The following GNAS-AS1 variants were observed in gnomAD, a reference collection of about 807,000 sequenced individuals.
The protein encoded by GNAS-AS1 is GNAS antisense RNA 1, also known as GNAS antisense RNA 1 (non-protein coding).
chr20:58,840,353 G>A lies in GNAS-AS1; in HGVS notation n.819+1584C>T. Reference sequence around the variant, plus strand: ...GGTATTCCCTGAGTCCCCCGAATCGGAATCTGACCACGAGCACGAGGAGGC... The same window carrying A: ...GGTATTCCCTGAGTCCCCCGAATCGAAATCTGACCACGAGCACGAGGAGGC... On this transcript the variant is annotated intron_variant and non_coding_transcript_variant, in intron 4 of 4. Transcript: ENST00000424094. The surrounding 1 kb of genome is among the most constrained non-coding windows in gnomAD (Gnocchi z 6.0). 1 of 1,613,228 alleles carries A rather than the reference G, an allele frequency of 6.2e-7. No individual in the cohort carries two copies. The highest frequency in any genetic ancestry group is 8.5e-7 in the Non-Finnish European group (1 of 1,180,006).
intron 4 of GNAS-AS1, chr20:58,839,317 A>T: frequency 2.5e-6 from 1 of 398,692 alleles, no homozygotes. Context: ...TCCTCAAACT[A>T]TTAAGCCATT....
At chr20:58,839,655 G>A (rs867648879) in intron 4 of GNAS-AS1, 11 of 425,130 alleles carry the variant, frequency 2.6e-5, no homozygotes, top group Admixed American at 1.2e-4. Flanking sequence ...CGCAGCTCGC[G>A]GGGAGGTGGC....
chr20:58,823,814 G>A (rs549845408), intron 4 of GNAS-AS1, among the ~76,000 whole-genome samples: 72 of 152,310 alleles, frequency 4.7e-4, no homozygotes, highest in African/African-American at 1.7e-3. Context: ...ATGAGTGGTC[G>A]CTTTAGAGCA....
At position 58,840,832 on chromosome 20, in the gene GNAS-AS1, C is replaced by T. The variant is rs1228262845; in HGVS notation, n.819+1105G>A. 1 of 1,612,788 alleles carries T rather than the reference C, an allele frequency of 6.2e-7. No individual in the cohort carries two copies. Among genetic ancestry groups the T allele is most frequent in the Non-Finnish European group, 8.5e-7 (1 of 1,179,850 alleles). On this transcript the variant is annotated intron_variant and non_coding_transcript_variant, in intron 4 of 4. Transcript: ENST00000424094. This position sits in a 1 kb window ranked among gnomAD's most constrained non-coding sequence, Gnocchi z 6.0. ...CTTCCAAAAAGGGACCCATCCCCATCCGGCGTCACTAATGGAGGACGCCGT... is the reference window on the plus strand; with the variant it reads ...CTTCCAAAAAGGGACCCATCCCCATTCGGCGTCACTAATGGAGGACGCCGT...
At position 58,840,400 on chromosome 20, in the gene GNAS-AS1, C is replaced by T. The variant is rs1800902; in HGVS notation, n.819+1537G>A. 0.033 allele frequency: 53,165 copies of T among 1,613,458 alleles called. 1,223 individuals carry two copies. Among genetic ancestry groups the T allele is most frequent in the African/African-American group, 0.11 (8,101 of 74,978 alleles). On this transcript the variant is annotated intron_variant and non_coding_transcript_variant, in intron 4 of 4. Coordinates refer to ENST00000424094, the Ensembl canonical transcript of GNAS-AS1. The surrounding 1 kb of genome is among the most constrained non-coding windows in gnomAD (Gnocchi z 6.0). Reference sequence around the variant, plus strand: ...AGGCAGACCTTGAGCTGTCCCTCCCCGAGTGCCTAGAGTACGAGGAAGAGT... The same window carrying T: ...AGGCAGACCTTGAGCTGTCCCTCCCTGAGTGCCTAGAGTACGAGGAAGAGT...
rs201811157 is a variant in GNAS-AS1 at position 58,820,186 on chromosome 20, C to T, written n.820-931G>A. ...CATGCACATGACCTGGTGTTTCTGT[C>T]GTGGAACTGGAGATGCGGCCTTAGG... On this transcript the variant is annotated intron_variant and non_coding_transcript_variant, in intron 4 of 4. Coordinates refer to ENST00000424094, the Ensembl canonical transcript of GNAS-AS1. Among the ~76,000 whole-genome samples, 22 of 152,370 alleles carry T rather than the reference C, an allele frequency of 1.4e-4. No homozygotes were observed. The East Asian group carries it at 2.3e-3, about 16-fold the overall frequency.
chr20:58,824,500 C>G (rs549890258), intron 4 of GNAS-AS1, among the ~76,000 whole-genome samples: 1 of 152,340 alleles, frequency 6.6e-6, no homozygotes, highest in African/African-American at 2.4e-5. Context: ...GCACAGCAGG[C>G]CCACCCCCAA....
chr20:58,828,737 CTGATACCTTGTCT>C (rs1215299348), intron 4 of GNAS-AS1, among the ~76,000 whole-genome samples: 4 of 152,346 alleles, frequency 2.6e-5, no homozygotes, highest in Admixed American at 6.5e-5. Context: ...TTCTACCTGT[CTGATACCTTGTCT>C]TGATACCTTG....
At chr20:58,826,862 G>GA (rs1299429875) in intron 4 of GNAS-AS1, 1 of 86,286 alleles carries the variant, frequency 1.2e-5, no homozygotes. Context: ...ACCATGCCTG[G>GA]CTTTTTTTTT....
Position 58,841,545 on chromosome 20 carries a change from C to A in GNAS-AS1, n.819+392G>T. On this transcript the variant is annotated intron_variant and non_coding_transcript_variant, in intron 4 of 4. Transcript: ENST00000424094. The surrounding 1 kb of genome is among the most constrained non-coding windows in gnomAD (Gnocchi z 5.0). ...GTGCCTCCAGCTGCCGTGCGCCAGC[C>A]TTGGCCGCCACAGCCCGCCTCCCGT... is the stretch of plus-strand genomic sequence containing the variant. 1.0e-6 allele frequency: 1 copy of A among 996,772 alleles called. No homozygotes were observed. Among genetic ancestry groups the A allele is most frequent in the Non-Finnish European group, 1.2e-6 (1 of 837,984 alleles). The allele number at this position is 996,772 out of a possible 1,614,324, so 61.7% of individuals were successfully genotyped here. A position where few individuals can be genotyped will look rare whatever the true frequency, so the allele number is the denominator to read the frequency against.
In GNAS-AS1 at chr20:58,840,113, C is replaced by T. The variant is rs202131370; in HGVS notation, n.819+1824G>A. 10 of 1,610,970 alleles carry T rather than the reference C, an allele frequency of 6.2e-6. No homozygotes were observed. Among genetic ancestry groups the T allele is most frequent in the Admixed American group, 1.7e-5 (1 of 60,016 alleles). On this transcript the variant is annotated intron_variant and non_coding_transcript_variant, in intron 4 of 4. Transcript: ENST00000424094. This position sits in a 1 kb window ranked among gnomAD's most constrained non-coding sequence, Gnocchi z 6.0. Reference sequence around the variant, plus strand: ...TCGGTGTGTGCCTAAGAGGATGGATCGGAGGTCCCGGGCTCAGCAGTGGCG... The same window carrying T: ...TCGGTGTGTGCCTAAGAGGATGGATTGGAGGTCCCGGGCTCAGCAGTGGCG...
chr20:58,827,589 G>A (rs1477305038), intron 4 of GNAS-AS1, among the ~76,000 whole-genome samples: 2 of 152,230 alleles, frequency 1.3e-5, no homozygotes, highest in African/African-American at 2.4e-5. Context: ...ACGTCGACAG[G>A]GATGTGACTG....
chr20:58,834,795 G>A (rs528358707), intron 4 of GNAS-AS1: 2 of 152,176 alleles, frequency 1.3e-5, no homozygotes, highest in Non-Finnish European at 2.9e-5. Flanking sequence ...CGCACAGAAC[G>A]AAGGCTCCTT....
At chr20:58,843,047 C>T (rs2085797611) in intron 2 of GNAS-AS1, among the ~76,000 whole-genome samples, 1 of 152,280 alleles carries the variant, frequency 6.6e-6, no homozygotes, top group Admixed American at 6.5e-5. Flanking sequence ...AAGCAATGTA[C>T]CATGTTCACA....
chr20:58,849,686 A>G (rs1185179856), intron 1 of GNAS-AS1, among the ~76,000 whole-genome samples: 11 of 152,032 alleles, frequency 7.2e-5, no homozygotes, highest in Admixed American at 6.6e-4. Context: ...TGGCTCCTCC[A>G]TCTTTTGTGT....
chr20:58,839,947 G>A (rs1369769793), intron 4 of GNAS-AS1: 6 of 699,822 alleles, frequency 8.6e-6, no homozygotes, highest in Non-Finnish European at 1.4e-5. Flanking sequence ...GAAGGTAGGT[G>A]CTTCCCTTTT....
Position 58,840,802 on chromosome 20 carries a change from G to A in GNAS-AS1, n.819+1135C>T. The A allele has an allele frequency of 1.2e-6, 2 of 1,612,516 alleles. No individual in the cohort carries two copies. Among genetic ancestry groups the A allele is most frequent in the East Asian group, 2.2e-5 (1 of 44,858 alleles). ...CCACCCGCCGTGACGCGTCCCCGGAGTCCCCTTCCAAAAAGGGACCCATCC... is the reference window on the plus strand; with the variant it reads ...CCACCCGCCGTGACGCGTCCCCGGAATCCCCTTCCAAAAAGGGACCCATCC... On this transcript the variant is annotated intron_variant and non_coding_transcript_variant, in intron 4 of 4. Coordinates refer to ENST00000424094, the Ensembl canonical transcript of GNAS-AS1. The surrounding 1 kb of genome is among the most constrained non-coding windows in gnomAD (Gnocchi z 6.0).
intron 4 of GNAS-AS1, among the ~76,000 whole-genome samples, chr20:58,830,255 A>ACCAC (rs2085547508): frequency 7.3e-6 from 1 of 136,830 alleles, no homozygotes; most frequent in Non-Finnish European, 1.6e-5. Context: ...ACCACCATCA[A>ACCAC]CGCCACACCA....
At chr20:58,825,797 G>A (rs577059214) in intron 4 of GNAS-AS1, among the ~76,000 whole-genome samples, 1 of 152,302 alleles carries the variant, frequency 6.6e-6, no homozygotes, top group South Asian at 2.1e-4. Flanking sequence ...ACCCTACCCT[G>A]TTCAAGGCCC....
Sources: gnomAD v4.1 joint callset for allele counts (sites outside exome capture counted in the v4.1 genomes callset) on GRCh38, gnomAD v4.1.1 for gene constraint, Gnocchi (gnomAD v3.1) non-coding constraint, MANE v1.5 for transcripts, NCBI Gene and HGNC (gene_info 2026-07-23, HGNC 2026-07-21) for gene names.